Variants in TNPO2 observed in about 807,000 individuals in gnomAD.
The protein encoded by TNPO2 is transportin 2, also known as transportin-2.
TNPO2 carries 16 observed loss-of-function variants against 111.1 expected under a neutral mutation model. That is an observed-to-expected ratio of 0.14 (90% CI 0.10 to 0.22). The LOEUF (loss-of-function observed/expected upper bound fraction) is 0.22, where lower values mean the gene tolerates loss of function less well. TNPO2 is among the 10% of genes least tolerant of loss of function. The pLI is 1.00. For missense variants in TNPO2, 530 were observed against 1,173.7 expected, an observed-to-expected ratio of 0.45 and a Z score of 8.01; for synonymous variants, 481 against 475.8, an observed-to-expected ratio of 1.01 and a Z score of -0.14.
chr19:12,722,028 G>C (rs1032703823), intron 2 of TNPO2: 13 of 150,872 alleles, frequency 8.6e-5, no homozygotes, highest in African/African-American at 3.2e-4. Flanking sequence ...GCCCCTCCCT[G>C]TCAGGACCCA....
In TNPO2 at chr19:12,701,141, G is replaced by A. The variant is rs934659830; in HGVS notation, c.*123C>T. Reference sequence around the variant, plus strand: ...ACGGACGGGGAAGGCATCTGGATTTGAGTCCCACTCACTCCTCCCTAACCC... The same window carrying A: ...ACGGACGGGGAAGGCATCTGGATTTAAGTCCCACTCACTCCTCCCTAACCC... On this transcript the variant is annotated 3_prime_UTR_variant, in exon 26 of 26. Coordinates refer to ENST00000425528, the MANE Select transcript of TNPO2 (RefSeq NM_001382241.1). This position sits in a 1 kb window ranked among gnomAD's most constrained non-coding sequence, Gnocchi z 5.0. The A allele has an allele frequency of 3.8e-6, 2 of 520,172 alleles. No individual in the cohort carries two copies. The highest frequency in any genetic ancestry group is 6.8e-6 in the Non-Finnish European group (2 of 293,256). 32.2% of individuals were successfully genotyped at this position (520,172 alleles called of 1,614,324 possible).
chr19:12,719,316 C>T lies in TNPO2; in HGVS notation c.120G>A (p.Gln40=). The T allele has an allele frequency of 6.2e-7, 1 of 1,613,932 alleles. No homozygotes were observed. The highest frequency in any genetic ancestry group is 8.5e-7 in the Non-Finnish European group (1 of 1,179,848). ...TCAGGTAGTTGTTGAAGTCAGGAAA[C>T]TGATTGAGTTGTTTGAGTTTCTGCC... The part of the protein sequence containing the change: ...IVQDKLKQLN[Q]FPDFNNYLIF... The change falls in exon 4 of 26, where the codon CAG becomes CAA. Residue 40 remains glutamine (Q), a synonymous_variant. Coordinates refer to ENST00000425528, the MANE Select transcript of TNPO2 (RefSeq NM_001382241.1). The surrounding 1 kb of genome is among the most constrained non-coding windows in gnomAD (Gnocchi z 5.0).
intron 10 of TNPO2, among the ~76,000 whole-genome samples, chr19:12,712,671 T>C (rs8113817): frequency 6.6e-6 from 1 of 152,190 alleles, no homozygotes. Flanking sequence ...ACGTGACCCA[T>C]GTGACCTTAC....
At chr19:12,710,917 G>A (rs901202182) in intron 12 of TNPO2, 144 bp from the exon 13 acceptor site, 107 of 970,528 alleles carry the variant, frequency 1.1e-4, no homozygotes, top group Admixed American at 1.3e-4. Flanking sequence ...TTTTTGAGAC[G>A]GAGTCTCACT....
rs577258219 is a variant in TNPO2, at chr19:12,711,408, T to C, written c.1005A>G (p.Pro335=). The change falls in exon 12 of 26, where the codon CCA becomes CCG. Residue 335 remains proline (P), a synonymous_variant. Transcript: ENST00000425528. ...AVPDSEQDIK[P]RFHKSRTVTL... The stretch of plus-strand genomic sequence containing the variant: ...TGACCGTGCGTGACTTGTGGAAGCG[T>C]GGCTTGATGTCCTGCTCACTGTCGG... The C allele has an allele frequency of 1.2e-6, 2 of 1,614,008 alleles. No individual in the cohort carries two copies. Among genetic ancestry groups the C allele is most frequent in the African/African-American group, 1.3e-5 (1 of 75,054 alleles).
chr19:12,715,006 C>T lies in TNPO2; in HGVS notation c.771+41G>A, dbSNP rs761358257. On this transcript the variant is annotated intron_variant, in intron 9 of 25. Coordinates refer to ENST00000425528, the MANE Select transcript of TNPO2 (RefSeq NM_001382241.1). This position sits in a 1 kb window ranked among gnomAD's most constrained non-coding sequence, Gnocchi z 7.1. ...GTGGCTCCCTGACCCCTGCCACCGG[C>T]CCCCTGCCTGCCCGCCTGGGCTGGC... is the stretch of plus-strand genomic sequence containing the variant. The T allele has an allele frequency of 6.3e-7, 1 of 1,580,348 alleles. No individual in the cohort carries two copies. The highest frequency in any genetic ancestry group is 1.2e-5 in the South Asian group (1 of 86,704).
Position 12,701,229 on chromosome 19 carries a change from G to A in TNPO2, c.*35C>T, listed in dbSNP as rs998917997. ...ACTCCCCAGTAATCCCTCCGACGAC[G>A]ACGCAGACAGAAACCTGCAGGGGGA... On this transcript the variant is annotated 3_prime_UTR_variant, in exon 26 of 26. Transcript: ENST00000425528. The surrounding 1 kb of genome is among the most constrained non-coding windows in gnomAD (Gnocchi z 5.0). 1.6e-5 allele frequency: 13 copies of A among 798,772 alleles called. No individual in the cohort carries two copies. Among genetic ancestry groups the A allele is most frequent in the Middle Eastern group, 2.3e-4 (1 of 4,272 alleles). The allele number at this position is 798,772 out of a possible 1,614,324, so 49.5% of individuals were successfully genotyped here.
At position 12,719,320 on chromosome 19, in the gene TNPO2, T is replaced by G; in HGVS notation, c.116A>C (p.Asn39Thr). 6.2e-7 allele frequency: 1 copy of G among 1,613,854 alleles called. No individual in the cohort carries two copies. The highest frequency in any genetic ancestry group is 8.5e-7 in the Non-Finnish European group (1 of 1,179,844). ...GTAGTTGTTGAAGTCAGGAAACTGATTGAGTTGTTTGAGTTTCTGCCAGGC... is the reference window on the plus strand; with the variant it reads ...GTAGTTGTTGAAGTCAGGAAACTGAGTGAGTTGTTTGAGTTTCTGCCAGGC... ...RIVQDKLKQL[N>T]QFPDFNNYLI... The change falls in exon 4 of 26, where the codon AAT becomes ACT. Residue 39 changes from asparagine (N) to threonine (T), a missense_variant. Asn to Thr is a moderately conservative substitution (Grantham distance 65, BLOSUM62 0). This residue lies in a region of TNPO2 where 156 missense variants were observed against 405.8 expected (regional missense o/e 0.38). Transcript: ENST00000425528. This position sits in a 1 kb window ranked among gnomAD's most constrained non-coding sequence, Gnocchi z 5.0.
At chr19:12,712,938 T>G (rs894458371) in intron 10 of TNPO2, among the ~76,000 whole-genome samples, 3 of 152,060 alleles carry the variant, frequency 2.0e-5, no homozygotes, top group Non-Finnish European at 4.4e-5. Flanking sequence ...CAGGCTGGAG[T>G]GCACTGGTGC....
chr19:12,710,526 C>G, intron 13 of TNPO2, 95 bp downstream of exon 13: 1 of 1,427,836 alleles, frequency 7.0e-7, no homozygotes, highest in Non-Finnish European at 9.5e-7. Context: ...GGTGAGTAGG[C>G]CTCCAGGGAG....
chr19:12,721,252 A>G lies in TNPO2; in HGVS notation c.-13-262T>C, dbSNP rs2145628244. ...CGGCGGCGGGGCCCGGCGGATCCTC[A>G]TGGGACCCAGCGAAGAGCCCTCGTC... On this transcript the variant is annotated intron_variant, in intron 2 of 25. Transcript: ENST00000425528. This position sits in a 1 kb window ranked among gnomAD's most constrained non-coding sequence, Gnocchi z 4.9. The G allele has an allele frequency of 1.5e-6, 2 of 1,301,378 alleles. No homozygotes were observed. Among genetic ancestry groups the G allele is most frequent in the East Asian group, 8.4e-5 (2 of 23,836 alleles). The allele number at this position is 1,301,378 out of a possible 1,614,324, so 80.6% of individuals were successfully genotyped here. A position where few individuals can be genotyped will look rare whatever the true frequency, so the allele number is the denominator to read the frequency against.
At position 12,705,394 on chromosome 19, in the gene TNPO2, T is replaced by C; in HGVS notation, c.1868A>G (p.Tyr623Cys). Residue 623 changes from tyrosine to cysteine, a missense_variant, in exon 18 of 26, where the codon TAC becomes TGC. Physicochemically the swap from Tyr to Cys is radical, Grantham distance 194 (BLOSUM62 -2). This residue lies in a region of TNPO2 where 183 missense variants were observed against 481.0 expected (regional missense o/e 0.38). Transcript: ENST00000425528. The surrounding 1 kb of genome is among the most constrained non-coding windows in gnomAD (Gnocchi z 7.2). ...VQKTLAQAMM[Y>C]TQHPEQYEAP... is the part of the protein sequence containing the mutation. ...CTCATACTGCTCAGGGTGCTGGGTG[T>C]ACATCTAGACACAGATGCCGACAGG... 6.3e-7 allele frequency: 1 copy of C among 1,582,956 alleles called. No homozygotes were observed. The highest frequency in any genetic ancestry group is 1.3e-5 in the African/African-American group (1 of 74,306).
At position 12,711,284 on chromosome 19, in the gene TNPO2, AG is replaced by A; in HGVS notation, c.1117+11del. The A allele has an allele frequency of 1.9e-6, 3 of 1,610,412 alleles. No homozygotes were observed. The highest frequency in any genetic ancestry group is 1.3e-5 in the African/African-American group (1 of 75,016). On this transcript the variant is annotated intron_variant, in intron 12 of 25. Transcript: ENST00000425528. ...TGCCACCCCACCACCACCCCCAGGC[AG>A]GGGCACACACTCAAATTCCAGTCGG...
intron 13 of TNPO2, among the ~76,000 whole-genome samples, chr19:12,710,325 C>T (rs1032502249): frequency 2.0e-5 from 3 of 152,220 alleles, no homozygotes; most frequent in Non-Finnish European, 4.4e-5. Context: ...TGTTTGTCTA[C>T]ATAAGTGCAC....
rs765652866 is a variant in TNPO2, at chr19:12,723,255, T to G, written c.-20A>C. The G allele has an allele frequency of 6.6e-6, 1 of 152,142 alleles. No homozygotes were observed. The highest frequency in any genetic ancestry group is 2.4e-5 in the African/African-American group (1 of 41,422). 9.4% of individuals were successfully genotyped at this position (152,142 alleles called of 1,614,324 possible). ...GCCTAATCCCTTTCCCTACCTGAAGTTGAATGAGGTGGAACAGCGCAGGAA... is the reference window on the plus strand; with the variant it reads ...GCCTAATCCCTTTCCCTACCTGAAGGTGAATGAGGTGGAACAGCGCAGGAA... On this transcript the variant is annotated 5_prime_UTR_variant, in exon 2 of 26. Coordinates refer to ENST00000425528, the MANE Select transcript of TNPO2 (RefSeq NM_001382241.1).
chr19:12,713,814 G>A (rs1294603343), intron 10 of TNPO2, among the ~76,000 whole-genome samples: 2 of 152,140 alleles, frequency 1.3e-5, no homozygotes, highest in Non-Finnish European at 2.9e-5. Flanking sequence ...GACTGCTTGA[G>A]GCCAGGGATC....
rs375338104 is a variant in TNPO2 at position 12,715,343 on chromosome 19, G to A, written c.567-19C>T. 47 of 1,613,828 alleles carry A rather than the reference G, an allele frequency of 2.9e-5. 1 individual carries two copies. The Middle Eastern group carries it at 4.9e-4, about 17-fold the overall frequency. On this transcript the variant is annotated intron_variant, in intron 7 of 25. Transcript: ENST00000425528. This position sits in a 1 kb window ranked among gnomAD's most constrained non-coding sequence, Gnocchi z 7.1. The stretch of plus-strand genomic sequence containing the variant: ...GTGGGACCTGGCGGGGAGCAGACAC[G>A]TGGGTCACCCTGACCCTGCCCACTC...
At chr19:12,707,591 G>A (rs762926581) in intron 13 of TNPO2, among the ~76,000 whole-genome samples, 6 of 137,254 alleles carry the variant, frequency 4.4e-5, no homozygotes, top group Non-Finnish European at 9.2e-5. Flanking sequence ...CCGGGTTCAA[G>A]TGATTTCCTG....
At chr19:12,711,994 C>G (rs1355537390) in intron 10 of TNPO2, among the ~76,000 whole-genome samples, 1 of 151,620 alleles carries the variant, frequency 6.6e-6, no homozygotes, top group Non-Finnish European at 1.5e-5. Flanking sequence ...AATAGTTATA[C>G]CAGATATAGA....
Sources: gnomAD v4.1 joint callset for allele counts (sites outside exome capture counted in the v4.1 genomes callset) on GRCh38, gnomAD v4.1.1 for gene constraint, gnomAD v4.1.1 regional missense constraint, Gnocchi (gnomAD v3.1) non-coding constraint, MANE v1.5 for transcripts, NCBI Gene and HGNC (gene_info 2026-07-23, HGNC 2026-07-21) for gene names.